Variants in CTNNA3 observed in about 807,000 individuals in gnomAD.
CTNNA3 encodes catenin alpha-3.
Under a neutral mutation model 95.7 loss-of-function variants are expected in CTNNA3, and 76 were observed. The ratio of observed to expected loss-of-function variants is 0.79; its 90% CI spans 0.66 to 0.96. The LOEUF is 0.96. CTNNA3 is among the 40% of genes least tolerant of loss of function. The pLI is 0.00. For missense variants in CTNNA3, 1,191 were observed against 1,089.8 expected (o/e 1.09, Z -1.31); for synonymous variants, 431 against 374.4 (o/e 1.15, Z -1.74).
chr10:67,365,505 A>C (rs994153429), intron 5 of CTNNA3, among the ~76,000 whole-genome samples: 2 of 152,078 alleles, frequency 1.3e-5, no homozygotes, highest in Admixed American at 6.6e-5. Context: ...CCAGAATCTA[A>C]AAAGAACTTA....
chr10:67,003,483 T>C (rs1589583682), intron 7 of CTNNA3, among the ~76,000 whole-genome samples: 1 of 152,210 alleles, frequency 6.6e-6, no homozygotes, highest in Non-Finnish European at 1.5e-5. Flanking sequence ...TCGAATACTT[T>C]TGGGAAACTT....
At chr10:66,547,339 C>CTTTATTTTTTTTTTTTTTTTTTT (rs1842066026) in intron 10 of CTNNA3, among the ~76,000 whole-genome samples, 1 of 9,580 alleles carries the variant, frequency 1.0e-4, no homozygotes, top group African/African-American at 2.2e-4. Flanking sequence ...TTTGATTTTT[C>CTTTATTTTTTTTTTTTTTTTTTT]TTTCTTTCTT....
intron 11 of CTNNA3, among the ~76,000 whole-genome samples, chr10:66,407,802 A>G (rs1400426381): frequency 6.6e-6 from 1 of 152,096 alleles, no homozygotes; most frequent in Non-Finnish European, 1.5e-5. Flanking sequence ...GCTGGTCTCG[A>G]TCTCCTGACC....
intron 5 of CTNNA3, among the ~76,000 whole-genome samples, chr10:67,481,350 T>TGACAATATG (rs1848219672): frequency 6.6e-6 from 1 of 152,134 alleles, no homozygotes; most frequent in Non-Finnish European, 1.5e-5. Flanking sequence ...CTCTCTTCAC[T>TGACAATATG]GACAATATGA....
chr10:66,561,294 A>AGACAATGG (rs1217829070), intron 10 of CTNNA3, among the ~76,000 whole-genome samples: 1 of 152,082 alleles, frequency 6.6e-6, no homozygotes, highest in Non-Finnish European at 1.5e-5. Flanking sequence ...TGAGAGGGCA[A>AGACAATGG]GACAATGGGC....
chr10:66,316,318 G>A lies in CTNNA3; in HGVS notation c.1733-35697C>T, dbSNP rs562341603. 1.6e-3 allele frequency among the ~76,000 whole-genome samples: 249 copies of A among 152,122 alleles called. 1 individual carries two copies. The highest frequency in any genetic ancestry group is 2.5e-3 in the Non-Finnish European group (172 of 67,938). On this transcript the variant is annotated intron_variant, in intron 12 of 17. Transcript: ENST00000433211. ...GTTCTAAAACAATCATGAACAGGGT[G>A]GGCTCCCTGAGCACTTTTGCACTGC...
intron 9 of CTNNA3, among the ~76,000 whole-genome samples, chr10:66,694,393 C>A (rs1001833770): frequency 4.6e-5 from 7 of 152,012 alleles, no homozygotes; most frequent in African/African-American, 1.2e-4. Flanking sequence ...ACACATACAC[C>A]CTCCCAAGAC....
At chr10:66,313,635 G>A (rs1282918774) in intron 12 of CTNNA3, among the ~76,000 whole-genome samples, 1 of 152,158 alleles carries the variant, frequency 6.6e-6, no homozygotes, top group Non-Finnish European at 1.5e-5. Flanking sequence ...CTGTTTGCAT[G>A]AGTAGCAACT....
At chr10:66,113,188 T>C (rs970404481) in intron 13 of CTNNA3, among the ~76,000 whole-genome samples, 1 of 151,108 alleles carries the variant, frequency 6.6e-6, no homozygotes, top group African/African-American at 2.4e-5. Context: ...TGATATCTCA[T>C]TGTATTTTTT....
chr10:66,476,519 G>A (rs1839331442), intron 11 of CTNNA3, among the ~76,000 whole-genome samples: 1 of 151,902 alleles, frequency 6.6e-6, no homozygotes, highest in African/African-American at 2.4e-5. Flanking sequence ...AGGCAATTGA[G>A]TTTTTTCTAA....
intron 11 of CTNNA3, among the ~76,000 whole-genome samples, chr10:66,510,816 A>G (rs1440653252): frequency 6.6e-6 from 1 of 151,746 alleles, no homozygotes; most frequent in African/African-American, 2.4e-5. Flanking sequence ...GGGTGTTTAA[A>G]TCTATCTTCA....
chr10:67,540,074 C>G (rs1379044637), intron 3 of CTNNA3, among the ~76,000 whole-genome samples: 1 of 152,088 alleles, frequency 6.6e-6, no homozygotes, highest in African/African-American at 2.4e-5. Context: ...AGGACTGCAG[C>G]TCTCTGATAA....
At chr10:65,986,852 T>TAA (rs199892450) in intron 16 of CTNNA3, among the ~76,000 whole-genome samples, 137 of 144,406 alleles carry the variant, frequency 9.5e-4, no homozygotes, top group Non-Finnish European at 1.4e-3. Context: ...GTACTGGCAT[T>TAA]AAAAAAAAAA....
At chr10:67,618,609 C>G (rs142035106) in intron 2 of CTNNA3, among the ~76,000 whole-genome samples, 2 of 152,134 alleles carry the variant, frequency 1.3e-5, no homozygotes, top group African/African-American at 4.8e-5. Flanking sequence ...TGACGATATC[C>G]AGGAGAAAAT....
At chr10:66,217,671 G>A (rs1450805002) in intron 13 of CTNNA3, among the ~76,000 whole-genome samples, 2 of 152,164 alleles carry the variant, frequency 1.3e-5, no homozygotes, top group Non-Finnish European at 2.9e-5. Context: ...GGGTCATATG[G>A]TAAATGTATA....
intron 1 of CTNNA3, among the ~76,000 whole-genome samples, chr10:67,711,786 A>G (rs1243312863): frequency 7.9e-6 from 1 of 126,644 alleles, no homozygotes; most frequent in Non-Finnish European, 1.6e-5. Context: ...TCCTGTGTCC[A>G]TGTGATCTCG....
At chr10:65,952,029 CAAA>C (rs55842958) in intron 17 of CTNNA3, among the ~76,000 whole-genome samples, 2 of 99,740 alleles carry the variant, frequency 2.0e-5, no homozygotes, top group South Asian at 3.5e-4. Flanking sequence ...GGCTCCGCCT[CAAA>C]AAAAAAAAAA....
intron 16 of CTNNA3, among the ~76,000 whole-genome samples, chr10:65,977,100 C>T (rs1442569533): frequency 6.6e-6 from 1 of 152,160 alleles, no homozygotes; most frequent in Non-Finnish European, 1.5e-5. Flanking sequence ...TTGCCCTTTA[C>T]TGTTGTTTCT....
chr10:66,755,661 C>G (rs1022224954), intron 9 of CTNNA3, among the ~76,000 whole-genome samples: 1 of 151,974 alleles, frequency 6.6e-6, no homozygotes, highest in African/African-American at 2.4e-5. Context: ...TCAGTAAATC[C>G]GCTTCTGGGT....
Sources: gnomAD v4.1 joint callset for allele counts (sites outside exome capture counted in the v4.1 genomes callset) on GRCh38, gnomAD v4.1.1 for gene constraint, MANE v1.5 for transcripts, NCBI Gene and HGNC (gene_info 2026-07-23, HGNC 2026-07-21) for gene names.